The following SLCO1C1 variants were observed in gnomAD, a reference collection of about 807,000 sequenced individuals.
SLCO1C1 encodes OAT-RP-5.
SLCO1C1 carries 70 observed loss-of-function variants against 76.4 expected under a neutral mutation model. The observed-to-expected ratio is 0.92, with a 90% CI of 0.76 to 1.12. The LOEUF (loss-of-function observed/expected upper bound fraction) is 1.12. Among genes scored for constraint, SLCO1C1 ranks in the 50% most tolerant of loss-of-function variants. The pLI is 0.00. For synonymous variants in SLCO1C1, 306 were observed against 286.1 expected (o/e 1.07, Z -0.70); for missense variants, 912 against 823.8 (o/e 1.11, Z -1.31).
Position 20,715,241 on chromosome 12 carries a change from A to C in SLCO1C1, c.632A>C (p.Tyr211Ser). The C allele has an allele frequency of 1.9e-6, 3 of 1,614,028 alleles. No homozygotes were observed. Among genetic ancestry groups the C allele is most frequent in the Non-Finnish European group, 2.5e-6 (3 of 1,179,924 alleles). ...CCCATTCAGCCTTTGGGCATTGCCT[A>C]CCTGGATGATTTTGCCAGTGAAGAC... ...ETPIQPLGIA[Y>S]LDDFASEDNA... The change falls in exon 6 of 15, where the codon TAC becomes TCC. Residue 211 changes from tyrosine to serine, a missense_variant. By Grantham distance (144) the Tyr-to-Ser change is moderately radical. Coordinates refer to ENST00000266509, the MANE Select transcript of SLCO1C1 (RefSeq NM_017435.5).
chr12:20,714,403 G>A (rs1947269841), intron 5 of SLCO1C1, among the ~76,000 whole-genome samples: 1 of 152,022 alleles, frequency 6.6e-6, no homozygotes, highest in African/African-American at 2.4e-5. Context: ...TTATGATATG[G>A]GGGTAATTAT....
chr12:20,701,397 TAGAG>T lies in SLCO1C1; in HGVS notation c.213_216del (p.Arg72GlyfsTer22), dbSNP rs775576645. 14 of 1,555,840 alleles carry T rather than the reference TAGAG, an allele frequency of 9.0e-6. No individual in the cohort carries two copies. Among genetic ancestry groups the T allele is most frequent in the Middle Eastern group, 1.7e-4 (1 of 5,838 alleles). On this transcript the variant is annotated frameshift_variant, in exon 3 of 15. Transcript: ENST00000266509. LOFTEE classifies it high-confidence loss of function. ...TATCTGAAGAGCACCATCACTCAGATAGAGAGAAGGTTTGATATCCCTTCTTCAC... is the reference window on the plus strand; with the variant it reads ...TATCTGAAGAGCACCATCACTCAGATAGAAGGTTTGATATCCCTTCTTCAC...
chr12:20,741,109 G>A (rs1219327849), intron 12 of SLCO1C1, among the ~76,000 whole-genome samples: 1 of 151,884 alleles, frequency 6.6e-6, no homozygotes, highest in Non-Finnish European at 1.5e-5. Flanking sequence ...GAAGAGGGAA[G>A]AGCCTCTTAT....
intron 3 of SLCO1C1, 25 bp from the exon 4 acceptor site, chr12:20,705,924 T>A (rs780566296): frequency 1.3e-5 from 21 of 1,609,272 alleles, no homozygotes; most frequent in Non-Finnish European, 1.7e-5. Flanking sequence ...CTCTAATTTA[T>A]GATGTTTTAT....
At chr12:20,734,759 G>C (rs987810818) in intron 10 of SLCO1C1, among the ~76,000 whole-genome samples, 1 of 152,094 alleles carries the variant, frequency 6.6e-6, no homozygotes, top group African/African-American at 2.4e-5. Flanking sequence ...ACAAATAAAA[G>C]GTAACATTTT....
intron 9 of SLCO1C1, among the ~76,000 whole-genome samples, chr12:20,725,434 T>C (rs1192405617): frequency 6.8e-6 from 1 of 146,264 alleles, no homozygotes; most frequent in Non-Finnish European, 1.5e-5. Flanking sequence ...CATCTGGTAT[T>C]ATATATAGTA....
intron 4 of SLCO1C1, among the ~76,000 whole-genome samples, chr12:20,706,511 C>T (rs1046536727): frequency 6.6e-6 from 1 of 152,092 alleles, no homozygotes; most frequent in Non-Finnish European, 1.5e-5. Context: ...ATTCAATGTC[C>T]ATACAGTATC....
chr12:20,707,210 A>G (rs993597752), intron 4 of SLCO1C1, among the ~76,000 whole-genome samples: 1 of 152,048 alleles, frequency 6.6e-6, no homozygotes, highest in Non-Finnish European at 1.5e-5. Context: ...ACATCCTTTC[A>G]TAGGTCAGAA....
At chr12:20,704,766 TGAG>T (rs71442271) in intron 3 of SLCO1C1, among the ~76,000 whole-genome samples, 285 of 151,922 alleles carry the variant, frequency 1.9e-3, no homozygotes, top group Non-Finnish European at 3.5e-3. Flanking sequence ...AAATTGGAAA[TGAG>T]GAGAACTTCA....
intron 9 of SLCO1C1, among the ~76,000 whole-genome samples, chr12:20,726,278 G>C (rs534959393): frequency 6.6e-6 from 1 of 150,596 alleles, no homozygotes; most frequent in Non-Finnish European, 1.5e-5. Flanking sequence ...TGGGCTATGG[G>C]ATAATGATCT....
chr12:20,730,419 C>T (rs1948215884), intron 9 of SLCO1C1, among the ~76,000 whole-genome samples: 1 of 152,138 alleles, frequency 6.6e-6, no homozygotes. Flanking sequence ...ATTTTATCTA[C>T]TTCCACATTT....
At chr12:20,751,372 T>C (rs1949295127) in intron 14 of SLCO1C1, among the ~76,000 whole-genome samples, 1 of 152,132 alleles carries the variant, frequency 6.6e-6, no homozygotes, top group East Asian at 1.9e-4. Flanking sequence ...TTCAGCTCAT[T>C]AAACATTTAG....
Position 20,713,105 on chromosome 12 carries a change from A to T in SLCO1C1, c.529+1595A>T, listed in dbSNP as rs575147475. ...TTTCTTTTTTTTTTTTTTGAGACGG[A>T]GTCTCGCTCTGTCGCCCAGGCTGGA... On this transcript the variant is annotated intron_variant, in intron 5 of 14. Transcript: ENST00000266509. Among the ~76,000 whole-genome samples, 4 of 130,312 alleles carry T rather than the reference A, an allele frequency of 3.1e-5. No homozygotes were observed. The South Asian group carries it at 9.7e-4, about 31-fold the overall frequency. The allele number at this position is 130,312 out of a possible 152,430, so 85.5% of individuals were successfully genotyped here.
At chr12:20,724,012 G>A (rs1947807614) in intron 9 of SLCO1C1, among the ~76,000 whole-genome samples, 1 of 152,058 alleles carries the variant, frequency 6.6e-6, no homozygotes, top group African/African-American at 2.4e-5. Context: ...ATGTATTTTA[G>A]GAGATATAAT....
At position 20,722,030 on chromosome 12, in the gene SLCO1C1, A is replaced by C. The variant is rs780501436; in HGVS notation, c.1002A>C (p.Lys334Asn). The C allele has an allele frequency of 2.9e-5, 47 of 1,613,394 alleles. No individual in the cohort carries two copies. The highest frequency in any genetic ancestry group is 3.7e-5 in the Non-Finnish European group (44 of 1,179,820). ...DYQTPQGENA[K>N]IMEMARDFLP... is the part of the protein sequence containing the mutation. ...AAACACCCCAGGGAGAAAATGCAAAAATAATGGAAATGGCAAGAGGTAAGT... is the reference window on the plus strand; with the variant it reads ...AAACACCCCAGGGAGAAAATGCAAACATAATGGAAATGGCAAGAGGTAAGT... Residue 334 changes from lysine to asparagine, a missense_variant, in exon 8 of 15, where the codon AAA becomes AAC. Lys to Asn is a moderately conservative substitution (Grantham distance 94, BLOSUM62 0). Coordinates refer to ENST00000266509, the MANE Select transcript of SLCO1C1 (RefSeq NM_017435.5).
chr12:20,702,893 A>G (rs908228236), intron 3 of SLCO1C1, among the ~76,000 whole-genome samples: 1 of 151,904 alleles, frequency 6.6e-6, no homozygotes, highest in East Asian at 1.9e-4. Context: ...AGGCATAGAA[A>G]TGATTTGGTC....
In SLCO1C1 at chr12:20,752,465, T is replaced by C; in HGVS notation, c.2076T>C (p.Asn692=). 1 of 1,613,116 alleles carries C rather than the reference T, an allele frequency of 6.2e-7. No homozygotes were observed. Among genetic ancestry groups the C allele is most frequent in the Non-Finnish European group, 8.5e-7 (1 of 1,179,450 alleles). ...TMVSTRFQKE[N]YTTSDHLLQP... is the part of the protein sequence containing the mutation. ...TGTCTACAAGATTCCAAAAGGAAAA[T>C]TACACTACAAGTGATCATCTGCTAC... The change falls in exon 15 of 15, where the codon AAT becomes AAC. Residue 692 remains asparagine, a synonymous_variant. Coordinates refer to ENST00000266509, the MANE Select transcript of SLCO1C1 (RefSeq NM_017435.5).
chr12:20,732,951 G>A lies in SLCO1C1; in HGVS notation c.1229G>A (p.Gly410Glu), dbSNP rs1948361526. 6.2e-7 allele frequency: 1 copy of A among 1,613,968 alleles called. No homozygotes were observed. Among genetic ancestry groups the A allele is most frequent in the Non-Finnish European group, 8.5e-7 (1 of 1,179,952 alleles). Residue 410 changes from glycine to glutamate, a missense_variant, in exon 10 of 15, where the codon GGG (glycine) becomes GAG (glutamate). Transcript: ENST00000266509. ...IPAVALGIFS[G>E]GIVMKKFRIS... ...GCAGTGGCCCTTGGAATATTCTCTG[G>A]GGGGATAGTTATGAAAAAATTCAGA...
rs1362554165 is a variant in SLCO1C1 at position 20,743,366 on chromosome 12, C to A, written c.1795C>A (p.Leu599Ile). The A allele has an allele frequency of 6.2e-7, 1 of 1,611,456 alleles. No individual in the cohort carries two copies. The highest frequency in any genetic ancestry group is 1.1e-5 in the South Asian group (1 of 90,836). ...TATCTACACATTAGCAATAAGAGTT[C>A]TTGGTAAGTTTAACCTATGCTTTAA... is the stretch of plus-strand genomic sequence containing the variant. Reference protein sequence around the residue: ...LGIYTLAIRVLAGIPAPVYFG... With the variant: ...LGIYTLAIRVIAGIPAPVYFG... The change falls in exon 13 of 15, where the codon CTT becomes ATT. Residue 599 changes from leucine (L) to isoleucine (I), a missense_variant. Coordinates refer to ENST00000266509, the MANE Select transcript of SLCO1C1 (RefSeq NM_017435.5).
Sources: allele counts gnomAD v4.1 joint callset (sites outside exome capture counted in the v4.1 genomes callset), GRCh38; gene constraint gnomAD v4.1.1; transcripts MANE v1.5; gene names NCBI Gene and HGNC (gene_info 2026-07-23, HGNC 2026-07-21).